The following ITPR3 variants were observed in gnomAD, a reference collection of about 807,000 sequenced individuals.
ITPR3 encodes inositol 1,4,5-trisphosphate receptor type 3.
In ITPR3, 173 loss-of-function variants were observed where a neutral mutation model predicts 293.2. That is an observed-to-expected ratio of 0.59 (90% CI 0.52 to 0.67). The LOEUF (loss-of-function observed/expected upper bound fraction) is 0.67. ITPR3 is among the 30% of genes least tolerant of loss of function. The pLI, the probability that ITPR3 is intolerant of heterozygous loss-of-function variation, is 0.00. For missense variants in ITPR3, 2,796 were observed against 3,592.1 expected, an observed-to-expected ratio of 0.78 and a Z score of 5.66; for synonymous variants, 1,295 against 1,444.4, an observed-to-expected ratio of 0.90 and a Z score of 2.35.
rs542010129 is a variant in ITPR3 at position 33,667,449 on chromosome 6, C to T, written c.1713+159C>T. On this transcript the variant is annotated intron_variant, in intron 15 of 57. Transcript: ENST00000605930. The surrounding 1 kb of genome is among the most constrained non-coding windows in gnomAD (Gnocchi z 4.4). ...GGGTTCATGGGAATGGGACCTGGCC[C>T]GGTGCTCACAAGGGCCTTGCACTGG... Among the ~76,000 whole-genome samples the T allele has an allele frequency of 5.9e-5, 9 of 152,264 alleles. No individual in the cohort carries two copies. Among genetic ancestry groups the T allele is most frequent in the African/African-American group, 1.4e-4 (6 of 41,558 alleles).
Position 33,640,570 on chromosome 6 carries a change from C to T in ITPR3, c.160+16C>T, listed in dbSNP as rs1360160343. 5.0e-6 allele frequency: 8 copies of T among 1,598,218 alleles called. No homozygotes were observed. The highest frequency in any genetic ancestry group is 6.8e-6 in the Non-Finnish European group (8 of 1,171,534). On this transcript the variant is annotated intron_variant, in intron 2 of 57. Coordinates refer to ENST00000605930, the MANE Select transcript of ITPR3 (RefSeq NM_002224.4). Reference sequence around the variant, plus strand: ...AAGTTCCGTGGTAAGACCTCCGCTTCCTCTGCCCCCGCCCCTCCCAGGCTG... The same window carrying T: ...AAGTTCCGTGGTAAGACCTCCGCTTTCTCTGCCCCCGCCCCTCCCAGGCTG...
In ITPR3 at chr6:33,696,075, A is replaced by G. The variant is rs1765536465; in HGVS notation, c.*295A>G. On this transcript the variant is annotated 3_prime_UTR_variant, in exon 58 of 58. Coordinates refer to ENST00000605930, the MANE Select transcript of ITPR3 (RefSeq NM_002224.4). ...AGAGACCTTTGTTCCTTAAAGCAAT[A>G]ACTGACAACTCTTTGTAGTCCTCCT... 4 of 397,752 alleles carry G rather than the reference A, an allele frequency of 1.0e-5. No individual in the cohort carries two copies. Among genetic ancestry groups the G allele is most frequent in the South Asian group, 4.2e-5 (1 of 23,742 alleles). 24.6% of individuals were successfully genotyped at this position (397,752 alleles called of 1,614,324 possible).
intron 31 of ITPR3, 64 bp downstream of exon 31, chr6:33,680,197 G>T: frequency 6.3e-7 from 1 of 1,589,648 alleles, no homozygotes; most frequent in Non-Finnish European, 8.6e-7. Flanking sequence ...AAAGCCACGG[G>T]ACAGGAAGAG....
At chr6:33,645,859 A>G (rs1043265912) in intron 2 of ITPR3, among the ~76,000 whole-genome samples, 1 of 150,350 alleles carries the variant, frequency 6.7e-6, no homozygotes, top group African/African-American at 2.5e-5. Context: ...GTTTTTTGAG[A>G]TGGAGTCTCA....
Position 33,685,425 on chromosome 6 carries a change from C to T in ITPR3, c.5374C>T (p.Arg1792Cys), listed in dbSNP as rs776949775. 5.4e-5 allele frequency: 87 copies of T among 1,613,994 alleles called. 1 individual carries two copies. The South Asian group carries it at 7.0e-4, about 13-fold the overall frequency. The change falls in exon 40 of 58, where the codon CGC becomes TGC. Residue 1792 changes from arginine (R) to cysteine (C), a missense_variant. Transcript: ENST00000605930. The part of the protein sequence containing the change: ...SERFFKVLHD[R>C]MKRAQQETKS... ...GCGCTTCTTCAAGGTGCTGCACGAC[C>T]GCATGAAGCGGGCCCAGCAGGAGAC...
Position 33,684,532 on chromosome 6 carries a change from C to A in ITPR3, c.5047-66C>A. On this transcript the variant is annotated intron_variant, in intron 37 of 57. Transcript: ENST00000605930. The surrounding 1 kb of genome is among the most constrained non-coding windows in gnomAD (Gnocchi z 4.2). ...GAGTACCCAGGGGCTCAGGGTCAAG[C>A]CCGTCAGGCCAGTGGTCAGTGGTGG... is the stretch of plus-strand genomic sequence containing the variant. 6.2e-7 allele frequency: 1 copy of A among 1,605,898 alleles called. No homozygotes were observed. Among genetic ancestry groups the A allele is most frequent in the Non-Finnish European group, 8.5e-7 (1 of 1,172,626 alleles).
At position 33,687,035 on chromosome 6, in the gene ITPR3, T is replaced by C. The variant is rs777149838; in HGVS notation, c.6006T>C (p.Ala2002=). Residue 2002 remains alanine, a synonymous_variant, in exon 44 of 58, where the codon GCT becomes GCC. Coordinates refer to ENST00000605930, the MANE Select transcript of ITPR3 (RefSeq NM_002224.4). This position sits in a 1 kb window ranked among gnomAD's most constrained non-coding sequence, Gnocchi z 5.3. ...LKDNASKLLL[A]LMESRHDSEN... ...ACAATGCCTCCAAGCTGCTCCTGGC[T>C]CTGATGGAGAGCCGGCATGACAGTG... 3 of 1,613,890 alleles carry C rather than the reference T, an allele frequency of 1.9e-6. No homozygotes were observed. The South Asian group carries it at 3.3e-5, about 18-fold the overall frequency.
rs1324529808 is a variant in ITPR3, at chr6:33,688,618, AGGGCCCTCCAGCAGCTCACCG to A, written c.6569-37_6569-17del. 1 of 1,612,000 alleles carries A rather than the reference AGGGCCCTCCAGCAGCTCACCG, an allele frequency of 6.2e-7. No individual in the cohort carries two copies. Among genetic ancestry groups the A allele is most frequent in the Non-Finnish European group, 8.5e-7 (1 of 1,179,282 alleles). ...ATGCAAGGGGCAGGGGGTGCTCACCAGGGCCCTCCAGCAGCTCACCGTTGCCCTCCTCTTCAGGCATGCCGC... is the reference window on the plus strand; with the variant it reads ...ATGCAAGGGGCAGGGGGTGCTCACCATTGCCCTCCTCTTCAGGCATGCCGC... On this transcript the variant is annotated splice_polypyrimidine_tract_variant and intron_variant, in intron 48 of 57. Transcript: ENST00000605930.
intron 1 of ITPR3, among the ~76,000 whole-genome samples, chr6:33,637,901 G>A (rs1200383788): frequency 1.3e-5 from 2 of 151,584 alleles, no homozygotes; most frequent in African/African-American, 4.9e-5. Context: ...AGCCTGCCTC[G>A]GCCTCCCAAA....
chr6:33,652,035 C>A (rs1195236342), intron 2 of ITPR3, among the ~76,000 whole-genome samples: 1 of 152,106 alleles, frequency 6.6e-6, no homozygotes, highest in Non-Finnish European at 1.5e-5. Flanking sequence ...AGCTGACAAT[C>A]CCCAGGACCT....
At chr6:33,623,239 AG>A (rs1763478824) in intron 1 of ITPR3, among the ~76,000 whole-genome samples, 1 of 150,956 alleles carries the variant, frequency 6.6e-6, no homozygotes, top group Non-Finnish European at 1.5e-5. Context: ...GAAGAGCACC[AG>A]GGACTTTTGG....
chr6:33,694,705 C>A lies in ITPR3; in HGVS notation c.7786-219C>A. On this transcript the variant is annotated intron_variant, in intron 56 of 57. Transcript: ENST00000605930. Reference sequence around the variant, plus strand: ...GCTGCCGACGCTGCCTAACGGAAGTCAGCCTGTCTCGGTGGCAGAGGGTTG... The same window carrying A: ...GCTGCCGACGCTGCCTAACGGAAGTAAGCCTGTCTCGGTGGCAGAGGGTTG... 7.1e-6 allele frequency: 4 copies of A among 560,622 alleles called. No individual in the cohort carries two copies. In the Admixed American group the frequency reaches 1.0e-4, roughly 14 times the overall value. 34.7% of individuals were successfully genotyped at this position (560,622 alleles called of 1,614,324 possible).
chr6:33,656,809 C>T (rs1363184844), intron 3 of ITPR3, among the ~76,000 whole-genome samples: 1 of 152,246 alleles, frequency 6.6e-6, no homozygotes, highest in Admixed American at 6.5e-5. Context: ...TTCTCTCTGT[C>T]CCCTTCCTCT....
In ITPR3 at chr6:33,623,886, C is replaced by A. The variant is rs140373077; in HGVS notation, c.89+2195C>A. On this transcript the variant is annotated intron_variant, in intron 1 of 57. Coordinates refer to ENST00000605930, the MANE Select transcript of ITPR3 (RefSeq NM_002224.4). ...TCCTGATGTTCCACCAGCGGATGTC[C>A]ACCCTCCTAGCATGGCTTTCTAGCA... 1.2e-3 allele frequency among the ~76,000 whole-genome samples: 185 copies of A among 152,290 alleles called. No homozygotes were observed. The Middle Eastern group carries it at 0.017, about 14-fold the overall frequency.
At chr6:33,677,428 C>A in intron 27 of ITPR3, 76 bp from the exon 28 acceptor site, 1 of 1,579,274 alleles carries the variant, frequency 6.3e-7, no homozygotes, top group Non-Finnish European at 8.6e-7. Context: ...CCAGCTGGAA[C>A]TTGGCTGTGG....
Position 33,683,066 on chromosome 6 carries a change from G to A in ITPR3, c.4598-141G>A. 1.9e-6 allele frequency: 1 copy of A among 525,900 alleles called. No homozygotes were observed. The highest frequency in any genetic ancestry group is 3.0e-6 in the Non-Finnish European group (1 of 335,608). 32.6% of individuals were successfully genotyped at this position (525,900 alleles called of 1,614,324 possible). ...AAGCCTCTCAGTCCCTCAAGCATAG[G>A]CCGGGGTGGGGGGGGTCTCTGTCTC... On this transcript the variant is annotated intron_variant, in intron 34 of 57. Transcript: ENST00000605930. This position sits in a 1 kb window ranked among gnomAD's most constrained non-coding sequence, Gnocchi z 4.5.
At position 33,632,889 on chromosome 6, in the gene ITPR3, C is replaced by T. The variant is rs997112867; in HGVS notation, c.90-7595C>T. ...GAGATCCCAGAGGGTGGGGACCACA[C>T]CCAGCACATAGTAGGCTCGTGGTGA... On this transcript the variant is annotated intron_variant, in intron 1 of 57. Coordinates refer to ENST00000605930, the MANE Select transcript of ITPR3 (RefSeq NM_002224.4). The surrounding 1 kb of genome is among the most constrained non-coding windows in gnomAD (Gnocchi z 4.1). 2.0e-5 allele frequency among the ~76,000 whole-genome samples: 3 copies of T among 152,196 alleles called. No individual in the cohort carries two copies. The highest frequency in any genetic ancestry group is 4.4e-5 in the Non-Finnish European group (3 of 68,040).
rs1257925908 is a variant in ITPR3 at position 33,659,553 on chromosome 6, A to G, written c.711+4A>G. 5.0e-6 allele frequency: 8 copies of G among 1,611,354 alleles called. No individual in the cohort carries two copies. The highest frequency in any genetic ancestry group is 1.3e-5 in the African/African-American group (1 of 74,864). On this transcript the variant is annotated splice_donor_region_variant and intron_variant, in intron 7 of 57. Coordinates refer to ENST00000605930, the MANE Select transcript of ITPR3 (RefSeq NM_002224.4). ...CCTGGAGGAGGTGTTGAAAGGGGTA[A>G]GGACTGGGAACCCCTGCCCTGCCCA...
At chr6:33,678,597 G>GTGGTT in intron 29 of ITPR3, 42 bp from the exon 30 acceptor site, 1 of 1,570,078 alleles carries the variant, frequency 6.4e-7, no homozygotes, top group Non-Finnish European at 8.7e-7. Context: ...GGGGGTGGGG[G>GTGGTT]CGGGGCCCAG....
Sources: gnomAD v4.1 joint callset for allele counts (sites outside exome capture counted in the v4.1 genomes callset) on GRCh38, gnomAD v4.1.1 for gene constraint, Gnocchi (gnomAD v3.1) non-coding constraint, MANE v1.5 for transcripts, NCBI Gene and HGNC (gene_info 2026-07-23, HGNC 2026-07-21) for gene names.